Variants in KIRREL3 observed in about 807,000 individuals in gnomAD.
KIRREL3 encodes the protein kirre like nephrin family adhesion molecule 3.
KIRREL3 carries 36 observed loss-of-function variants against 89.7 expected under a neutral mutation model. The observed-to-expected ratio is 0.40, with a 90% CI of 0.31 to 0.53. The LOEUF is 0.53. Among genes scored for constraint, KIRREL3 ranks in the 20% least tolerant of loss-of-function variants. KIRREL3 has a pLI of 0.49. For synonymous variants in KIRREL3, 445 were observed against 441.4 expected (o/e 1.01, Z -0.10); for missense variants, 864 against 1,056.6 (o/e 0.82, Z 2.53).
At chr11:126,852,240 G>T (rs1472025421) in intron 1 of KIRREL3, among the ~76,000 whole-genome samples, 1 of 152,032 alleles carries the variant, frequency 6.6e-6, no homozygotes, top group Non-Finnish European at 1.5e-5. Flanking sequence ...TTTTAGTAGA[G>T]ATGGGGTTTC....
chr11:126,440,413 G>A, intron 11 of KIRREL3, 36 bp downstream of exon 11: 1 of 1,538,780 alleles, frequency 6.5e-7, no homozygotes, highest in Non-Finnish European at 8.8e-7. Flanking sequence ...TTGGGCTGCT[G>A]GCCCGGCCCC....
chr11:126,992,739 G>C (rs867044364), intron 1 of KIRREL3, among the ~76,000 whole-genome samples: 1 of 152,146 alleles, frequency 6.6e-6, no homozygotes, highest in Admixed American at 6.6e-5. Context: ...CTGCTCCAGT[G>C]CTGTTTCCTC....
At position 126,477,932 on chromosome 11, in the gene KIRREL3, A is replaced by G. The variant is rs1957112127; in HGVS notation, c.434-4466T>C. Among the ~76,000 whole-genome samples the G allele has an allele frequency of 6.6e-6, 1 of 152,210 alleles. No homozygotes were observed. The highest frequency in any genetic ancestry group is 1.5e-5 in the Non-Finnish European group (1 of 68,040). ...GCAAGACTGGTTCTCATTTGACTCA[A>G]TGAGCAGCGAGTTCCCCACAATGCT... On this transcript the variant is annotated intron_variant, in intron 4 of 16. Coordinates refer to ENST00000525144, the MANE Select transcript of KIRREL3 (RefSeq NM_032531.4). The surrounding 1 kb of genome is among the most constrained non-coding windows in gnomAD (Gnocchi z 4.8).
intron 1 of KIRREL3, among the ~76,000 whole-genome samples, chr11:126,866,128 G>A (rs1259325101): frequency 6.6e-6 from 1 of 152,210 alleles, no homozygotes; most frequent in Non-Finnish European, 1.5e-5. Context: ...TGCTTCCATT[G>A]TGTATCTGGA....
chr11:126,449,016 G>A lies in KIRREL3; in HGVS notation c.990C>T (p.Asp330=), dbSNP rs779129348. 2.0e-5 allele frequency: 33 copies of A among 1,610,536 alleles called. No homozygotes were observed. The highest frequency in any genetic ancestry group is 1.8e-4 in the South Asian group (16 of 90,886). ...LGSTNLSRTV[D]VYFGPRMTTE... ...CTGCACCACTGCACTCACAGTAGACGTCAACCGTGCGGCTGAGGTTGGTGC... is the reference window on the plus strand; with the variant it reads ...CTGCACCACTGCACTCACAGTAGACATCAACCGTGCGGCTGAGGTTGGTGC... The change falls in exon 8 of 17, where the codon GAC becomes GAT. Residue 330 remains aspartate, a synonymous_variant. Coordinates refer to ENST00000525144, the MANE Select transcript of KIRREL3 (RefSeq NM_032531.4).
intron 1 of KIRREL3, among the ~76,000 whole-genome samples, chr11:126,661,649 A>G (rs1189061618): frequency 6.6e-6 from 1 of 152,228 alleles, no homozygotes; most frequent in African/African-American, 2.4e-5. Flanking sequence ...ACAGCTGTCT[A>G]TAGCTTCAGA....
intron 1 of KIRREL3, among the ~76,000 whole-genome samples, chr11:126,727,521 G>A (rs1449758756): frequency 1.3e-5 from 2 of 152,200 alleles, no homozygotes; most frequent in East Asian, 1.9e-4. Flanking sequence ...GGTGGGAGGC[G>A]CTCAGCTGTC....
intron 1 of KIRREL3, among the ~76,000 whole-genome samples, chr11:126,573,352 G>A (rs949975103): frequency 1.3e-5 from 2 of 152,200 alleles, no homozygotes; most frequent in African/African-American, 4.8e-5. Flanking sequence ...GTCCTCTAGG[G>A]CATTGTAACT....
intron 2 of KIRREL3, among the ~76,000 whole-genome samples, chr11:126,546,785 T>A (rs979513573): frequency 6.6e-6 from 1 of 152,220 alleles, no homozygotes; most frequent in Admixed American, 6.5e-5. Context: ...TGGTGCTTTA[T>A]ACTTTTTTTC....
chr11:126,808,483 T>A lies in KIRREL3; in HGVS notation c.55+191972A>T, dbSNP rs1248816173. On this transcript the variant is annotated intron_variant, in intron 1 of 16. Transcript: ENST00000525144. The surrounding 1 kb of genome is among the most constrained non-coding windows in gnomAD (Gnocchi z 4.1). Reference sequence around the variant, plus strand: ...AAGGCAGTTTTTCATGGGGTCTGTTTTTTTCCCAGTGACCTCCTGAGGCAG... The same window carrying A: ...AAGGCAGTTTTTCATGGGGTCTGTTATTTTCCCAGTGACCTCCTGAGGCAG... Among the ~76,000 whole-genome samples the A allele has an allele frequency of 2.0e-5, 3 of 152,114 alleles. No individual in the cohort carries two copies. Among genetic ancestry groups the A allele is most frequent in the African/African-American group, 7.2e-5 (3 of 41,412 alleles).
chr11:126,493,322 C>T (rs936998585), intron 4 of KIRREL3, among the ~76,000 whole-genome samples: 3 of 152,118 alleles, frequency 2.0e-5, no homozygotes, highest in Admixed American at 2.0e-4. Context: ...GAGATTGAGA[C>T]CATCCTGGCT....
chr11:126,474,834 G>GGA lies in KIRREL3; in HGVS notation c.434-1370_434-1369dup, dbSNP rs547971900. The stretch of plus-strand genomic sequence containing the variant: ...GGATGGTGGATGATCATGGTTTGGA[G>GGA]GAGAGGCCCAGAAATCTGAAGTACC... On this transcript the variant is annotated intron_variant, in intron 4 of 16. Coordinates refer to ENST00000525144, the MANE Select transcript of KIRREL3 (RefSeq NM_032531.4). The surrounding 1 kb of genome is among the most constrained non-coding windows in gnomAD (Gnocchi z 6.7). Among the ~76,000 whole-genome samples the GGA allele has an allele frequency of 5.8e-4, 89 of 152,340 alleles. No homozygotes were observed. Among genetic ancestry groups the GGA allele is most frequent in the African/African-American group, 2.0e-3 (83 of 41,590 alleles).
intron 2 of KIRREL3, among the ~76,000 whole-genome samples, chr11:126,560,205 G>T (rs1940012274): frequency 6.6e-6 from 1 of 152,042 alleles, no homozygotes; most frequent in African/African-American, 2.4e-5. Flanking sequence ...TTTCTTGCCT[G>T]CCCTTTGTTG....
intron 1 of KIRREL3, among the ~76,000 whole-genome samples, chr11:126,654,337 GT>G (rs5795513): frequency 0.013 from 1,758 of 139,054 alleles, 14 homozygotes; most frequent in African/African-American, 0.024. Context: ...TAAACTGAAA[GT>G]TTTTTTTTTT....
chr11:126,587,841 C>G lies in KIRREL3; in HGVS notation c.56-24929G>C, dbSNP rs765766929. 6.6e-6 allele frequency among the ~76,000 whole-genome samples: 1 copy of G among 152,186 alleles called. No individual in the cohort carries two copies. Among genetic ancestry groups the G allele is most frequent in the Non-Finnish European group, 1.5e-5 (1 of 68,028 alleles). On this transcript the variant is annotated intron_variant, in intron 1 of 16. Transcript: ENST00000525144. The surrounding 1 kb of genome is among the most constrained non-coding windows in gnomAD (Gnocchi z 5.2). ...GAACACAATTCTTATTGCCATCTATCTTTTCACTTCTTTTTAGTTTTCATG... is the reference window on the plus strand; with the variant it reads ...GAACACAATTCTTATTGCCATCTATGTTTTCACTTCTTTTTAGTTTTCATG...
In KIRREL3 at chr11:126,563,568, A is replaced by G. The variant is rs749086739; in HGVS notation, c.56-656T>C. ...AATTTAGCACCATCATCAAGCACTT[A>G]TGAAATGTAGACTTAGAGCACAGGG... On this transcript the variant is annotated intron_variant, in intron 1 of 16. Coordinates refer to ENST00000525144, the MANE Select transcript of KIRREL3 (RefSeq NM_032531.4). This position sits in a 1 kb window ranked among gnomAD's most constrained non-coding sequence, Gnocchi z 6.8. Among the ~76,000 whole-genome samples the G allele has an allele frequency of 6.6e-6, 1 of 152,214 alleles. No homozygotes were observed. The highest frequency in any genetic ancestry group is 2.1e-4 in the South Asian group (1 of 4,830).
chr11:126,831,584 A>G (rs1943610513), intron 1 of KIRREL3, among the ~76,000 whole-genome samples: 1 of 152,200 alleles, frequency 6.6e-6, no homozygotes, highest in Non-Finnish European at 1.5e-5. Flanking sequence ...AAGACACCTT[A>G]GAAGCAATAC....
rs554530917 is a variant in KIRREL3 at position 126,977,155 on chromosome 11, T to G, written c.55+23300A>C. The stretch of plus-strand genomic sequence containing the variant: ...GCTCCTTCTGGGTCTTAGTGTCACT[T>G]GGCACCTTTGTTACAGGCTCCTGCA... On this transcript the variant is annotated intron_variant, in intron 1 of 16. Coordinates refer to ENST00000525144, the MANE Select transcript of KIRREL3 (RefSeq NM_032531.4). This position sits in a 1 kb window ranked among gnomAD's most constrained non-coding sequence, Gnocchi z 4.7. Among the ~76,000 whole-genome samples the G allele has an allele frequency of 4.9e-4, 74 of 152,344 alleles. No homozygotes were observed. Among genetic ancestry groups the G allele is most frequent in the African/African-American group, 1.8e-3 (73 of 41,576 alleles).
chr11:126,605,509 G>A lies in KIRREL3; in HGVS notation c.56-42597C>T, dbSNP rs1465777801. On this transcript the variant is annotated intron_variant, in intron 1 of 16. Coordinates refer to ENST00000525144, the MANE Select transcript of KIRREL3 (RefSeq NM_032531.4). This position sits in a 1 kb window ranked among gnomAD's most constrained non-coding sequence, Gnocchi z 5.7. ...TGATGGATGAGACTCAGGATGCCAGGAGGGAGGCACAGCCCACACTTAGCA... is the reference window on the plus strand; with the variant it reads ...TGATGGATGAGACTCAGGATGCCAGAAGGGAGGCACAGCCCACACTTAGCA... Among the ~76,000 whole-genome samples, 1 of 152,224 alleles carries A rather than the reference G, an allele frequency of 6.6e-6. No homozygotes were observed. The highest frequency in any genetic ancestry group is 1.5e-5 in the Non-Finnish European group (1 of 68,042).
Sources: allele counts gnomAD v4.1 joint callset (sites outside exome capture counted in the v4.1 genomes callset), GRCh38; gene constraint gnomAD v4.1.1; non-coding constraint Gnocchi (gnomAD v3.1); transcripts MANE v1.5; gene names NCBI Gene and HGNC (gene_info 2026-07-23, HGNC 2026-07-21).